GKAP1: variants seen among roughly 807,000 people sequenced by gnomAD.
GKAP1 encodes G kinase-anchoring protein 1.
Under a neutral mutation model 56.7 loss-of-function variants are expected in GKAP1, and 31 were observed. The observed-to-expected ratio is 0.55, with a 90% confidence interval of 0.41 to 0.74. GKAP1 has a LOEUF of 0.74. Ranked by LOEUF, GKAP1 falls within the 30% of genes least tolerant of loss-of-function variation. The pLI is 0.00. For synonymous variants in GKAP1, 151 were observed against 138.6 expected (o/e 1.09, Z -0.63); for missense variants, 364 against 402.3 (o/e 0.90, Z 0.82).
At chr9:83,764,520 A>G (rs961799352) in intron 8 of GKAP1, among the ~76,000 whole-genome samples, 7 of 152,128 alleles carry the variant, frequency 4.6e-5, no homozygotes, top group Non-Finnish European at 1.0e-4. Context: ...AATTGGTACC[A>G]CAGAGAGTCA....
Position 83,807,617 on chromosome 9 carries a change from C to T in GKAP1, c.-43-1057G>A, listed in dbSNP as rs956779186. Among the ~76,000 whole-genome samples, 7 of 152,192 alleles carry T rather than the reference C, an allele frequency of 4.6e-5. No individual in the cohort carries two copies. The East Asian group carries it at 1.3e-3, about 29-fold the overall frequency. On this transcript the variant is annotated intron_variant, in intron 2 of 12. Coordinates refer to ENST00000376371, the MANE Select transcript of GKAP1 (RefSeq NM_025211.4). ...CAATTGCATTCCCCCACTGCACCAG[C>T]CAGAGATAACAAGTATCCTGATTTT...
At chr9:83,773,016 G>C (rs1943789543) in intron 7 of GKAP1, among the ~76,000 whole-genome samples, 1 of 152,100 alleles carries the variant, frequency 6.6e-6, no homozygotes, top group South Asian at 2.1e-4. Flanking sequence ...AAAACAATTT[G>C]ACAGACTCTT....
Position 83,806,367 on chromosome 9 carries a change from T to C in GKAP1, c.151A>G (p.Thr51Ala), listed in dbSNP as rs1417333607. 6.3e-7 allele frequency: 1 copy of C among 1,574,960 alleles called. No individual in the cohort carries two copies. The highest frequency in any genetic ancestry group is 1.4e-5 in the African/African-American group (1 of 73,684). The change falls in exon 3 of 13, where the codon ACA becomes GCA. Residue 51 changes from threonine (T) to alanine (A), a missense_variant. Physicochemically the swap from Thr to Ala is moderately conservative, Grantham distance 58. Coordinates refer to ENST00000376371, the MANE Select transcript of GKAP1 (RefSeq NM_025211.4). Reference protein sequence around the residue: ...KSQTLGSKSTTNEKKREKRRK... With the variant: ...KSQTLGSKSTANEKKREKRRK... Reference sequence around the variant, plus strand: ...CTTTTCTCTCTTTTTTTCTCATTTGTAGTTGACTTGCTTCCTAAAGTTTGA... The same window carrying C: ...CTTTTCTCTCTTTTTTTCTCATTTGCAGTTGACTTGCTTCCTAAAGTTTGA...
rs967183669 is a variant in GKAP1, at chr9:83,793,130, T to C, written c.361-4452A>G. ...GACAGTAAATATTTTGGTACTAACA[T>C]TTTTTAAAAATTAATTTGTAAGTCT... is the stretch of plus-strand genomic sequence containing the variant. On this transcript the variant is annotated intron_variant, in intron 4 of 12. Coordinates refer to ENST00000376371, the MANE Select transcript of GKAP1 (RefSeq NM_025211.4). 3 of 270,420 alleles carry C rather than the reference T, an allele frequency of 1.1e-5. No homozygotes were observed. In the Admixed American group the frequency reaches 1.8e-4, roughly 16 times the overall value. The allele number at this position is 270,420 out of a possible 1,614,324, so 16.8% of individuals were successfully genotyped here.
chr9:83,767,363 A>AT (rs940113643), intron 8 of GKAP1, among the ~76,000 whole-genome samples: 4,995 of 144,972 alleles, frequency 0.034, 100 homozygotes, highest in African/African-American at 0.059. Context: ...TCTGTCACAT[A>AT]TTTTTTTTTT....
chr9:83,751,708 A>G (rs1345779166), intron 9 of GKAP1, among the ~76,000 whole-genome samples: 1 of 152,052 alleles, frequency 6.6e-6, no homozygotes, highest in Non-Finnish European at 1.5e-5. Context: ...GTGAATTCAT[A>G]TTAGTCAAAA....
At chr9:83,801,967 G>C (rs1215811219) in intron 3 of GKAP1, among the ~76,000 whole-genome samples, 1 of 152,146 alleles carries the variant, frequency 6.6e-6, no homozygotes, top group African/African-American at 2.4e-5. Flanking sequence ...TTTTTTCTAA[G>C]TCTTGGGACA....
rs374596209 is a variant in GKAP1, at chr9:83,784,905, AAT to A, written c.439-69_439-68del. ...CTGTAAAATAAACTCACCAACAGGT[AAT>A]ATGTTTCTTAAAGTTTATTTTTTAA... On this transcript the variant is annotated intron_variant, in intron 5 of 12. Coordinates refer to ENST00000376371, the MANE Select transcript of GKAP1 (RefSeq NM_025211.4). 15 of 1,189,198 alleles carry A rather than the reference AAT, an allele frequency of 1.3e-5. No individual in the cohort carries two copies. In the African/African-American group the frequency reaches 1.9e-4, roughly 15 times the overall value. The allele number at this position is 1,189,198 out of a possible 1,614,324, so 73.7% of individuals were successfully genotyped here. A position where few individuals can be genotyped will look rare whatever the true frequency, so the allele number is the denominator to read the frequency against.
chr9:83,770,583 GT>G (rs2131270304), intron 7 of GKAP1, among the ~76,000 whole-genome samples: 1 of 151,542 alleles, frequency 6.6e-6, no homozygotes, highest in South Asian at 2.1e-4. Flanking sequence ...TTGAGACGGA[GT>G]TTCACTCTTG....
At chr9:83,812,143 T>C in intron 2 of GKAP1, among the ~76,000 whole-genome samples, 1 of 151,194 alleles carries the variant, frequency 6.6e-6, no homozygotes, top group Non-Finnish European at 1.5e-5. Flanking sequence ...CTTTCTATGG[T>C]TTTTACTATT....
rs10546262 is a variant in GKAP1 at position 83,779,612 on chromosome 9, T to TACACACACACACAC, written c.585+756_585+769dup. ...GTATATGTGTATATATATACACATA[T>TACACACACACACAC]ACACACACACACACACACACACACA... On this transcript the variant is annotated intron_variant, in intron 7 of 12. Transcript: ENST00000376371. Among the ~76,000 whole-genome samples, 316 of 127,326 alleles carry TACACACACACACAC rather than the reference T, an allele frequency of 2.5e-3. 1 individual carries two copies. Among genetic ancestry groups the TACACACACACACAC allele is most frequent in the East Asian group, 0.012 (55 of 4,402 alleles). The allele number at this position is 127,326 out of a possible 152,430, so 83.5% of individuals were successfully genotyped here.
intron 8 of GKAP1, among the ~76,000 whole-genome samples, chr9:83,758,082 A>G (rs1233481615): frequency 4.6e-5 from 7 of 152,200 alleles, no homozygotes; most frequent in Admixed American, 3.9e-4. Flanking sequence ...TGACCTACCT[A>G]GCGTTGGTGC....
chr9:83,804,523 TGGG>T (rs1298369300), intron 3 of GKAP1, among the ~76,000 whole-genome samples: 7 of 51,450 alleles, frequency 1.4e-4, no homozygotes, highest in African/African-American at 4.1e-4. Flanking sequence ...GGGAGGGAGG[TGGG>T]GGGGTCAGCC....
At chr9:83,810,079 TG>T (rs1330767523) in intron 2 of GKAP1, among the ~76,000 whole-genome samples, 1 of 152,354 alleles carries the variant, frequency 6.6e-6, no homozygotes, top group East Asian at 1.9e-4. Context: ...CCCAAAGTGC[TG>T]GGATTACAGG....
intron 6 of GKAP1, among the ~76,000 whole-genome samples, chr9:83,784,074 G>T (rs530009959): frequency 1.3e-4 from 19 of 150,370 alleles, no homozygotes; most frequent in Non-Finnish European, 2.5e-4. Flanking sequence ...AGACCACCCT[G>T]GGCAAGATGG....
chr9:83,751,100 G>A (rs1253055508), intron 9 of GKAP1, among the ~76,000 whole-genome samples: 1 of 152,142 alleles, frequency 6.6e-6, no homozygotes, highest in Non-Finnish European at 1.5e-5. Flanking sequence ...CTCCCAAAGT[G>A]CTGGAATTAA....
At chr9:83,775,639 G>C (rs1943845684) in intron 7 of GKAP1, among the ~76,000 whole-genome samples, 1 of 151,970 alleles carries the variant, frequency 6.6e-6, no homozygotes, top group African/African-American at 2.4e-5. Context: ...ACTATGGGAG[G>C]CCAAGGCCGG....
chr9:83,766,183 C>G (rs1469286301), intron 8 of GKAP1, among the ~76,000 whole-genome samples: 1 of 152,154 alleles, frequency 6.6e-6, no homozygotes, highest in Non-Finnish European at 1.5e-5. Flanking sequence ...TCCCCCTTCA[C>G]CTGGCACTCA....
chr9:83,786,451 G>C (rs1168259231), intron 5 of GKAP1, among the ~76,000 whole-genome samples: 3 of 151,832 alleles, frequency 2.0e-5, no homozygotes, highest in South Asian at 2.1e-4. Context: ...TGAGGCAGGA[G>C]AATCACTTGA....
Sources: allele counts gnomAD v4.1 joint callset (sites outside exome capture counted in the v4.1 genomes callset), GRCh38; gene constraint gnomAD v4.1.1; transcripts MANE v1.5; gene names NCBI Gene and HGNC (gene_info 2026-07-23, HGNC 2026-07-21).